RAPGEFL1: variants seen among roughly 807,000 people sequenced by gnomAD.
RAPGEFL1 encodes the protein Rap guanine nucleotide exchange factor like 1, also known as rap guanine nucleotide exchange factor-like 1.
In RAPGEFL1, 31 loss-of-function variants were observed where a neutral mutation model predicts 64.4. The observed-to-expected ratio is 0.48, with a 90% CI of 0.36 to 0.65. RAPGEFL1 has a LOEUF of 0.65. RAPGEFL1 is among the 30% of genes least tolerant of loss of function. The pLI is 0.00. For missense variants in RAPGEFL1, 682 were observed against 677.4 expected (o/e 1.01, Z -0.08); for synonymous variants, 331 against 274.1 (o/e 1.21, Z -2.05).
At chr17:40,180,478 C>T (rs1057068149) in intron 1 of RAPGEFL1, among the ~76,000 whole-genome samples, 1 of 152,128 alleles carries the variant, frequency 6.6e-6, no homozygotes, top group Non-Finnish European at 1.5e-5. Context: ...CTGGTCTCCT[C>T]CCAGGGTGTG....
At chr17:40,181,779 T>TC (rs1478627969) in intron 2 of RAPGEFL1, 85 bp downstream of exon 2, 11 of 683,620 alleles carry the variant, frequency 1.6e-5, no homozygotes, top group Non-Finnish European at 3.0e-5. Context: ...GCCTAAACTC[T>TC]CCCCTAGGAA....
chr17:40,192,764 TC>T (rs1990321463), intron 12 of RAPGEFL1, 71 bp downstream of exon 12: 3 of 1,475,148 alleles, frequency 2.0e-6, no homozygotes, highest in East Asian at 2.3e-5. Context: ...GCTTCTGACT[TC>T]CAGCTCCCTC....
chr17:40,190,812 C>T lies in RAPGEFL1; in HGVS notation c.1335+50C>T, dbSNP rs753079370. 15 of 1,604,288 alleles carry T rather than the reference C, an allele frequency of 9.3e-6. No individual in the cohort carries two copies. In the South Asian group the frequency reaches 1.7e-4, roughly 18 times the overall value. ...CTGGGGGGCTGGAGGGAGAAATGTG[C>T]CATTGGGAGACGGTGTTCGCAGCAC... On this transcript the variant is annotated intron_variant, in intron 8 of 14. Coordinates refer to ENST00000620260, the MANE Select transcript of RAPGEFL1 (RefSeq NM_016339.6).
intron 10 of RAPGEFL1, 34 bp from the exon 11 acceptor site, chr17:40,192,179 C>G: frequency 1.2e-6 from 2 of 1,603,320 alleles, no homozygotes; most frequent in Non-Finnish European, 1.7e-6. Flanking sequence ...GAGCTCCACT[C>G]TGATATCCCT....
chr17:40,194,124 CT>C lies in RAPGEFL1; in HGVS notation c.*338del. On this transcript the variant is annotated 3_prime_UTR_variant, in exon 15 of 15. Coordinates refer to ENST00000620260, the MANE Select transcript of RAPGEFL1 (RefSeq NM_016339.6). ...GCAGCAGGAAAGAATGCTGCTCACC[CT>C]TCTGTCTTGCAGAGTGGGATTGTGG... The C allele has an allele frequency of 3.6e-6, 1 of 278,196 alleles. No homozygotes were observed. The allele number at this position is 278,196 out of a possible 1,614,324, so 17.2% of individuals were successfully genotyped here.
chr17:40,193,910 G>C lies in RAPGEFL1; in HGVS notation c.*122G>C. The C allele has an allele frequency of 7.4e-7, 1 of 1,349,548 alleles. No individual in the cohort carries two copies. 83.6% of individuals were successfully genotyped at this position (1,349,548 alleles called of 1,614,324 possible). A position where few individuals can be genotyped will look rare whatever the true frequency, so the allele number is the denominator to read the frequency against. ...GAGCAACTTCCTGCTCCACGGGAAA[G>C]AGGTCGATGGATTTACCCCTGGACC... On this transcript the variant is annotated 3_prime_UTR_variant, in exon 15 of 15. Coordinates refer to ENST00000620260, the MANE Select transcript of RAPGEFL1 (RefSeq NM_016339.6).
Position 40,177,758 on chromosome 17 carries a change from C to T in RAPGEFL1, c.-104C>T. ...GTCTGGCGCCTGGCACGGCCCTCTA[C>T]TCTGCTCCTCCAGCTCTGAGCATCG... On this transcript the variant is annotated 5_prime_UTR_variant, in exon 1 of 15. Transcript: ENST00000620260. 2.4e-6 allele frequency: 1 copy of T among 411,944 alleles called. No homozygotes were observed. The highest frequency in any genetic ancestry group is 1.0e-4 in the South Asian group (1 of 10,040). 25.5% of individuals were successfully genotyped at this position (411,944 alleles called of 1,614,324 possible).
In RAPGEFL1 at chr17:40,184,229, A is replaced by G; in HGVS notation, c.615A>G (p.Gly205=). 6.2e-7 allele frequency: 1 copy of G among 1,612,668 alleles called. No individual in the cohort carries two copies. Among genetic ancestry groups the G allele is most frequent in the Non-Finnish European group, 8.5e-7 (1 of 1,179,116 alleles). The stretch of plus-strand genomic sequence containing the variant: ...TAAGGGTCAGCTTTGTTCGGGCAGG[A>G]GGCATGGAGGGCCCTGAAGGGCTGG... The part of the protein sequence containing the change: ...QELHQYFVRA[G]GMEGPEGLGR... The change falls in exon 3 of 15, where the codon GGA becomes GGG. Residue 205 remains glycine, a synonymous_variant. Coordinates refer to ENST00000620260, the MANE Select transcript of RAPGEFL1 (RefSeq NM_016339.6).
rs142647624 is a variant in RAPGEFL1, at chr17:40,189,353, G to A, written c.1092G>A (p.Leu364=). 12 of 1,614,014 alleles carry A rather than the reference G, an allele frequency of 7.4e-6. No individual in the cohort carries two copies. In the African/African-American group the frequency reaches 9.3e-5, roughly 13 times the overall value. The change falls in exon 6 of 15, where the codon CTG becomes CTA. Residue 364 remains leucine, a synonymous_variant. Coordinates refer to ENST00000620260, the MANE Select transcript of RAPGEFL1 (RefSeq NM_016339.6). ...CGGGGCGTGAGGATTCCCTCATCCT[G>A]GTAGCTGTGTCCTCCTCTGGAGGTG... ...EPAGREDSLI[L]VAVSSSGEKV...
At chr17:40,177,277 C>T, upstream of RAPGEFL1, 1 of 702,600 alleles carries the variant, frequency 1.4e-6, no homozygotes, top group South Asian at 1.5e-5. Flanking sequence ...AGGAATCCTT[C>T]CCCATTGGTA....
At chr17:40,192,515 A>G (rs936174965) in intron 11 of RAPGEFL1, 91 bp from the exon 12 acceptor site, 6 of 1,165,770 alleles carry the variant, frequency 5.1e-6, no homozygotes, top group Non-Finnish European at 6.3e-6. Flanking sequence ...TCAGGAATGT[A>G]TACAAGGCAG....
intron 2 of RAPGEFL1, 72 bp from the exon 3 acceptor site, chr17:40,184,142 C>T: frequency 8.5e-7 from 1 of 1,170,224 alleles, no homozygotes; most frequent in Non-Finnish European, 1.3e-6. Context: ...CTGCGCCCAG[C>T]CTAGCCTCCC....
chr17:40,183,990 C>T (rs1323607723), intron 2 of RAPGEFL1, among the ~76,000 whole-genome samples: 1 of 151,774 alleles, frequency 6.6e-6, no homozygotes, highest in Non-Finnish European at 1.5e-5. Context: ...ATTACAGGTG[C>T]ACACCACCAT....
chr17:40,180,078 CT>C (rs1052248252), intron 1 of RAPGEFL1, among the ~76,000 whole-genome samples: 1 of 152,214 alleles, frequency 6.6e-6, no homozygotes, highest in Non-Finnish European at 1.5e-5. Flanking sequence ...CTCCCCAACT[CT>C]GCCCCATCTT....
intron 4 of RAPGEFL1, among the ~76,000 whole-genome samples, chr17:40,187,285 T>C (rs896210642): frequency 6.6e-6 from 1 of 152,160 alleles, no homozygotes; most frequent in African/African-American, 2.4e-5. Context: ...ATGAATCCAT[T>C]CTGCCCTTTT....
At chr17:40,178,979 G>A (rs1312917823) in intron 1 of RAPGEFL1, among the ~76,000 whole-genome samples, 1 of 152,200 alleles carries the variant, frequency 6.6e-6, no homozygotes, top group Non-Finnish European at 1.5e-5. Context: ...GGGGAGAGGT[G>A]GCTGGGCCGG....
At chr17:40,189,079 A>C (rs1990174246) in intron 5 of RAPGEFL1, 101 bp downstream of exon 5, 7 of 1,466,244 alleles carry the variant, frequency 4.8e-6, no homozygotes, top group Non-Finnish European at 6.7e-6. Flanking sequence ...GGGTGGTAGA[A>C]CCAGCCCCTT....
chr17:40,191,389 A>T lies in RAPGEFL1; in HGVS notation c.1409A>T (p.Gln470Leu). ...RETANLELLL[Q>L]RCSEVTHWVA... The stretch of plus-strand genomic sequence containing the variant: ...ACGGCCAACTTGGAGCTGCTGCTGC[A>T]GCGCTGCAGCGAGGTCACGCACTGG... The change falls in exon 9 of 15, where the codon CAG (glutamine) becomes CTG (leucine). Residue 470 changes from glutamine to leucine, a missense_variant. Gln to Leu is a moderately radical substitution (Grantham distance 113). Transcript: ENST00000620260. The surrounding 1 kb of genome is among the most constrained non-coding windows in gnomAD (Gnocchi z 5.1). 1 of 1,600,512 alleles carries T rather than the reference A, an allele frequency of 6.2e-7. No individual in the cohort carries two copies. The highest frequency in any genetic ancestry group is 8.5e-7 in the Non-Finnish European group (1 of 1,177,604).
At position 40,193,315 on chromosome 17, in the gene RAPGEFL1, A is replaced by C. The variant is rs537456071; in HGVS notation, c.1810-48A>C. 1.6e-5 allele frequency: 25 copies of C among 1,574,994 alleles called. No individual in the cohort carries two copies. The East Asian group carries it at 4.7e-4, about 30-fold the overall frequency. ...GGCGGAGGGGGAGCATAAGAGGGGGAGCCTCTTTCTGTGCCCCTTTCAAGG... is the reference window on the plus strand; with the variant it reads ...GGCGGAGGGGGAGCATAAGAGGGGGCGCCTCTTTCTGTGCCCCTTTCAAGG... On this transcript the variant is annotated intron_variant, in intron 13 of 14. Coordinates refer to ENST00000620260, the MANE Select transcript of RAPGEFL1 (RefSeq NM_016339.6).
Sources: gnomAD v4.1 joint callset for allele counts (sites outside exome capture counted in the v4.1 genomes callset) on GRCh38, gnomAD v4.1.1 for gene constraint, Gnocchi (gnomAD v3.1) non-coding constraint, MANE v1.5 for transcripts, NCBI Gene and HGNC (gene_info 2026-07-23, HGNC 2026-07-21) for gene names.